Variants in KCND2 observed in about 807,000 individuals in gnomAD.
KCND2 encodes potassium voltage-gated channel subfamily D member 2.
Under a neutral mutation model 54.4 loss-of-function variants are expected in KCND2, and 16 were observed. The ratio of observed to expected loss-of-function variants is 0.29; its 90% CI spans 0.20 to 0.45. KCND2 has a LOEUF of 0.45. Among genes scored for constraint, KCND2 ranks in the 20% least tolerant of loss-of-function variants. The probability of loss-of-function intolerance (pLI) is 1.00; values close to 1 mark genes in which losing one functional copy is unlikely to be tolerated. For synonymous variants in KCND2, 317 were observed against 310.7 expected (o/e 1.02, Z -0.21); for missense variants, 486 against 824.2 (o/e 0.59, Z 5.02).
At chr7:120,476,643 A>G (rs886988371) in intron 1 of KCND2, among the ~76,000 whole-genome samples, 10 of 151,918 alleles carry the variant, frequency 6.6e-5, no homozygotes, top group African/African-American at 2.4e-4. Context: ...TGTGTGGGGG[A>G]AGGGAGAGGG....
At chr7:120,677,384 A>G (rs1399284058) in intron 1 of KCND2, among the ~76,000 whole-genome samples, 2 of 152,096 alleles carry the variant, frequency 1.3e-5, no homozygotes, top group African/African-American at 4.8e-5. Context: ...AAGAGTCATA[A>G]AATAAGGTGA....
chr7:120,702,221 A>G (rs1792411479), intron 1 of KCND2, among the ~76,000 whole-genome samples: 1 of 152,256 alleles, frequency 6.6e-6, no homozygotes, highest in Non-Finnish European at 1.5e-5. Context: ...GGAGAAATGC[A>G]AATCAAAACC....
chr7:120,422,450 T>C (rs1801639318), intron 1 of KCND2, among the ~76,000 whole-genome samples: 1 of 152,190 alleles, frequency 6.6e-6, no homozygotes, highest in Admixed American at 6.5e-5. Flanking sequence ...AGTTCCACCC[T>C]CAAGTGGAAT....
intron 1 of KCND2, among the ~76,000 whole-genome samples, chr7:120,482,313 G>T (rs779792895): frequency 2.6e-5 from 4 of 152,128 alleles, no homozygotes; most frequent in Non-Finnish European, 4.4e-5. Flanking sequence ...GCCTAAGAAT[G>T]AATCATTCCT....
At chr7:120,718,863 A>G (rs1286337279) in intron 1 of KCND2, among the ~76,000 whole-genome samples, 1 of 152,180 alleles carries the variant, frequency 6.6e-6, no homozygotes, top group African/African-American at 2.4e-5. Flanking sequence ...GAATGTAAAC[A>G]ATAACCTTGG....
intron 1 of KCND2, among the ~76,000 whole-genome samples, chr7:120,310,710 G>T (rs1341107644): frequency 1.3e-5 from 2 of 152,116 alleles, no homozygotes; most frequent in Admixed American, 1.3e-4. Flanking sequence ...GCTGAGGCAG[G>T]CAGATCACTT....
intron 1 of KCND2, among the ~76,000 whole-genome samples, chr7:120,476,862 T>G (rs1317230673): frequency 6.6e-6 from 1 of 152,202 alleles, no homozygotes; most frequent in Non-Finnish European, 1.5e-5. Flanking sequence ...GAGGAGCTGC[T>G]GGGTTTGAGC....
intron 1 of KCND2, among the ~76,000 whole-genome samples, chr7:120,731,799 A>G (rs1271911300): frequency 6.6e-6 from 1 of 152,202 alleles, no homozygotes; most frequent in African/African-American, 2.4e-5. Context: ...CAGAGACAAC[A>G]AGACCAGCTA....
chr7:120,382,754 T>C (rs1800932409), intron 1 of KCND2, among the ~76,000 whole-genome samples: 1 of 151,834 alleles, frequency 6.6e-6, no homozygotes, highest in Non-Finnish European at 1.5e-5. Context: ...GTGAATACTT[T>C]GGGGGTACTT....
chr7:120,721,752 A>G (rs1792669283), intron 1 of KCND2, among the ~76,000 whole-genome samples: 1 of 152,190 alleles, frequency 6.6e-6, no homozygotes, highest in Non-Finnish European at 1.5e-5. Context: ...GACTAAGCAG[A>G]GAGGTGCACA....
chr7:120,657,201 T>A (rs1791813451), intron 1 of KCND2, among the ~76,000 whole-genome samples: 1 of 152,180 alleles, frequency 6.6e-6, no homozygotes, highest in African/African-American at 2.4e-5. Flanking sequence ...GCATTCACAC[T>A]GCAAATTCTG....
intron 1 of KCND2, among the ~76,000 whole-genome samples, chr7:120,559,803 G>T (rs1237356505): frequency 6.6e-6 from 1 of 152,142 alleles, no homozygotes; most frequent in Non-Finnish European, 1.5e-5. Context: ...TGATACATAA[G>T]TCTTCTGCAT....
chr7:120,594,959 G>A (rs1307163573), intron 1 of KCND2, among the ~76,000 whole-genome samples: 3 of 151,660 alleles, frequency 2.0e-5, no homozygotes, highest in Non-Finnish European at 2.9e-5. Flanking sequence ...GGCGGAGGTT[G>A]CAGTGAGCCG....
At chr7:120,716,710 T>TTAA (rs1792607820) in intron 1 of KCND2, among the ~76,000 whole-genome samples, 1 of 152,144 alleles carries the variant, frequency 6.6e-6, no homozygotes, top group Non-Finnish European at 1.5e-5. Context: ...TTTCCCTTCT[T>TTAA]TAAATGTGAC....
At chr7:120,386,172 A>G (rs1800985197) in intron 1 of KCND2, among the ~76,000 whole-genome samples, 1 of 152,142 alleles carries the variant, frequency 6.6e-6, no homozygotes, top group African/African-American at 2.4e-5. Context: ...GAGTCATTGT[A>G]CTTGGATTTC....
chr7:120,421,238 A>G (rs978355143), intron 1 of KCND2, among the ~76,000 whole-genome samples: 1 of 152,200 alleles, frequency 6.6e-6, no homozygotes, highest in African/African-American at 2.4e-5. Context: ...TGTCCTTTCT[A>G]TGTGTATTGA....
intron 2 of KCND2, among the ~76,000 whole-genome samples, chr7:120,741,059 A>G (rs957260644): frequency 7.2e-5 from 11 of 151,860 alleles, no homozygotes; most frequent in South Asian, 4.1e-4. Flanking sequence ...AAAAAAAAAA[A>G]AAAGAAAGGA....
chr7:120,305,093 A>G (rs1009212253), intron 1 of KCND2, among the ~76,000 whole-genome samples: 14 of 152,178 alleles, frequency 9.2e-5, no homozygotes, highest in Non-Finnish European at 1.5e-5. Context: ...TTTATTATTA[A>G]AGGAAGAATT....
chr7:120,418,290 A>G (rs1193281950), intron 1 of KCND2, among the ~76,000 whole-genome samples: 1 of 152,202 alleles, frequency 6.6e-6, no homozygotes, highest in Non-Finnish European at 1.5e-5. Flanking sequence ...AGGGGCTTAT[A>G]TGTTAACTAC....
Sources: gnomAD v4.1 joint callset for allele counts (sites outside exome capture counted in the v4.1 genomes callset) on GRCh38, gnomAD v4.1.1 for gene constraint, MANE v1.5 for transcripts, NCBI Gene and HGNC (gene_info 2026-07-23, HGNC 2026-07-21) for gene names.